The following FGF2 variants were observed in gnomAD, a reference collection of about 807,000 sequenced individuals.
FGF2 encodes the protein basic fibroblast growth factor bFGF.
FGF2 carries 13 observed loss-of-function variants against 15.9 expected under a neutral mutation model. The ratio of observed to expected loss-of-function variants is 0.82; its 90% confidence interval spans 0.53 to 1.30. FGF2 has a LOEUF of 1.30. Among genes scored for constraint, FGF2 ranks in the 50% most tolerant of loss-of-function variants. The pLI, the probability that FGF2 is intolerant of heterozygous loss-of-function variation, is 0.00. For missense variants in FGF2, 163 were observed against 196.9 expected, an observed-to-expected ratio of 0.83 and a Z score of 1.03; for synonymous variants, 90 against 78.4, an observed-to-expected ratio of 1.15 and a Z score of -0.78.
At chr4:122,840,203 C>T (rs551792064) in intron 1 of FGF2, 1 of 152,078 alleles carries the variant, frequency 6.6e-6, no homozygotes, top group African/African-American at 2.4e-5. Context: ...CCATAGTATC[C>T]CATAATAAAG....
intron 1 of FGF2, among the ~76,000 whole-genome samples, chr4:122,856,908 G>A (rs1726353931): frequency 6.6e-6 from 1 of 152,070 alleles, no homozygotes; most frequent in African/African-American, 2.4e-5. Context: ...TAATTTTGTG[G>A]GCAACTTATT....
At chr4:122,866,570 G>C (rs1271434521) in intron 1 of FGF2, among the ~76,000 whole-genome samples, 1 of 152,116 alleles carries the variant, frequency 6.6e-6, no homozygotes, top group Non-Finnish European at 1.5e-5. Flanking sequence ...TAGCCAATAA[G>C]CACATGAAAA....
chr4:122,876,965 T>C (rs1726861544), intron 2 of FGF2, among the ~76,000 whole-genome samples: 1 of 152,210 alleles, frequency 6.6e-6, no homozygotes, highest in Non-Finnish European at 1.5e-5. Context: ...ACAATGATAC[T>C]ATCTCATTGG....
intron 1 of FGF2, among the ~76,000 whole-genome samples, chr4:122,854,696 T>G (rs1726302695): frequency 6.6e-6 from 1 of 152,156 alleles, no homozygotes; most frequent in Admixed American, 6.5e-5. Flanking sequence ...AAGGGCCTTC[T>G]CAGAAGTTTT....
Position 122,827,110 on chromosome 4 carries a change from G to GGGGCC in FGF2, c.-62_-61insCCGGG. The GGGGCC allele has an allele frequency of 3.2e-6, 4 of 1,251,496 alleles. No individual in the cohort carries two copies. The highest frequency in any genetic ancestry group is 4.0e-6 in the Non-Finnish European group (4 of 999,898). The allele number at this position is 1,251,496 out of a possible 1,614,324, so 77.5% of individuals were successfully genotyped here. On this transcript the variant is annotated 5_prime_UTR_variant, in exon 1 of 3. Coordinates refer to ENST00000644866, the MANE Select transcript of FGF2 (RefSeq NM_001361665.2). The surrounding 1 kb of genome is among the most constrained non-coding windows in gnomAD (Gnocchi z 4.2). ...CGGGTCGGAGGCCGGGGCCGGGGCC[G>GGGGCC]GGGGACGGCGGCTCCCCGCGCGGCT...
Position 122,892,803 on chromosome 4 carries a change from T to A in FGF2, c.*407T>A, listed in dbSNP as rs753637879. The A allele has an allele frequency of 1.6e-5, 24 of 1,540,598 alleles. No individual in the cohort carries two copies. Among genetic ancestry groups the A allele is most frequent in the Middle Eastern group, 1.8e-4 (1 of 5,522 alleles). On this transcript the variant is annotated 3_prime_UTR_variant, in exon 3 of 3. Coordinates refer to ENST00000644866, the MANE Select transcript of FGF2 (RefSeq NM_001361665.2). ...TTCTTATGTCATTCGTTAGTCTACATGTTTCTAAACATATAAATGTGAATT... is the reference window on the plus strand; with the variant it reads ...TTCTTATGTCATTCGTTAGTCTACAAGTTTCTAAACATATAAATGTGAATT...
chr4:122,855,581 A>G (rs373896981), intron 1 of FGF2, among the ~76,000 whole-genome samples: 5 of 152,334 alleles, frequency 3.3e-5, no homozygotes, highest in South Asian at 4.1e-4. Context: ...ACAACAGAGC[A>G]GGTTGTCTAA....
At chr4:122,884,618 G>A (rs892311788) in intron 2 of FGF2, 1 of 152,128 alleles carries the variant, frequency 6.6e-6, no homozygotes, top group South Asian at 2.1e-4. Context: ...CTCAGAAGTG[G>A]TATAAGCAAA....
chr4:122,886,743 A>G (rs1018165015), intron 2 of FGF2, among the ~76,000 whole-genome samples: 1 of 152,032 alleles, frequency 6.6e-6, no homozygotes, highest in African/African-American at 2.4e-5. Context: ...TATTTTAAGT[A>G]CTTCATTACT....
intron 2 of FGF2, among the ~76,000 whole-genome samples, chr4:122,885,160 C>G (rs1214375013): frequency 6.6e-6 from 1 of 152,170 alleles, no homozygotes; most frequent in Non-Finnish European, 1.5e-5. Flanking sequence ...AGTTCCTAGT[C>G]TGGATTTTCC....
intron 1 of FGF2, among the ~76,000 whole-genome samples, chr4:122,853,683 A>C (rs1726280235): frequency 6.6e-6 from 1 of 152,148 alleles, no homozygotes; most frequent in Non-Finnish European, 1.5e-5. Context: ...TTACGCATCC[A>C]TACCCACGTG....
Position 122,893,746 on chromosome 4 carries a change from T to C in FGF2, c.*1350T>C, listed in dbSNP as rs1170268867. The stretch of plus-strand genomic sequence containing the variant: ...GATTTTTCAATTAAATGCAAATTTG[T>C]GTGGCAGGATTTTTATTGCCATTAA... On this transcript the variant is annotated 3_prime_UTR_variant, in exon 3 of 3. Transcript: ENST00000644866. The C allele has an allele frequency of 6.6e-6, 1 of 152,272 alleles. No homozygotes were observed. The highest frequency in any genetic ancestry group is 1.5e-5 in the Non-Finnish European group (1 of 68,068). 9.4% of individuals were successfully genotyped at this position (152,272 alleles called of 1,614,324 possible). A position where few individuals can be genotyped will look rare whatever the true frequency, so the allele number is the denominator to read the frequency against.
chr4:122,860,666 AG>A, intron 1 of FGF2, among the ~76,000 whole-genome samples: 1 of 152,122 alleles, frequency 6.6e-6, no homozygotes, highest in East Asian at 1.9e-4. Context: ...CATGTTGACC[AG>A]GCTGGTCTCG....
chr4:122,871,713 A>G (rs933331757), intron 1 of FGF2, among the ~76,000 whole-genome samples: 2 of 150,960 alleles, frequency 1.3e-5, no homozygotes, highest in Non-Finnish European at 2.9e-5. Flanking sequence ...ATCAGATAGA[A>G]TAGGGCCTAA....
chr4:122,845,145 A>C (rs371152802), intron 1 of FGF2, among the ~76,000 whole-genome samples: 58 of 152,330 alleles, frequency 3.8e-4, no homozygotes, highest in African/African-American at 1.4e-3. Context: ...GTGACTAGCT[A>C]TGTTGCTAGC....
At chr4:122,865,375 C>G (rs531660207) in intron 1 of FGF2, among the ~76,000 whole-genome samples, 1 of 152,294 alleles carries the variant, frequency 6.6e-6, no homozygotes, top group Non-Finnish European at 1.5e-5. Context: ...ACTGCAACCT[C>G]CGCCTCCCAG....
At chr4:122,841,380 T>C (rs1725980987) in intron 1 of FGF2, among the ~76,000 whole-genome samples, 1 of 152,236 alleles carries the variant, frequency 6.6e-6, no homozygotes, top group Non-Finnish European at 1.5e-5. Flanking sequence ...TCCTTAGTCA[T>C]GGCATTTCTG....
Position 122,852,713 on chromosome 4 carries a change from T to C in FGF2, c.179-23608T>C, listed in dbSNP as rs536320874. Among the ~76,000 whole-genome samples, 4 of 152,316 alleles carry C rather than the reference T, an allele frequency of 2.6e-5. No homozygotes were observed. The South Asian group carries it at 8.3e-4, about 32-fold the overall frequency. ...AGTTGAAACCCCCTAAACACAACATTTTTTTCCACTGCTCATTTTTTACCA... is the reference window on the plus strand; with the variant it reads ...AGTTGAAACCCCCTAAACACAACATCTTTTTCCACTGCTCATTTTTTACCA... On this transcript the variant is annotated intron_variant, in intron 1 of 2. Transcript: ENST00000644866.
In FGF2 at chr4:122,892,737, A is replaced by G. The variant is rs1239199050; in HGVS notation, c.*341A>G. Reference sequence around the variant, plus strand: ...TTCATGGAAATCATATACATTAGAAAATCACAGTCAGATGTTTAATCAATC... The same window carrying G: ...TTCATGGAAATCATATACATTAGAAGATCACAGTCAGATGTTTAATCAATC... On this transcript the variant is annotated 3_prime_UTR_variant, in exon 3 of 3. Coordinates refer to ENST00000644866, the MANE Select transcript of FGF2 (RefSeq NM_001361665.2). 3 of 1,347,004 alleles carry G rather than the reference A, an allele frequency of 2.2e-6. No homozygotes were observed. Among genetic ancestry groups the G allele is most frequent in the Non-Finnish European group, 3.0e-6 (3 of 1,003,452 alleles). 83.4% of individuals were successfully genotyped at this position (1,347,004 alleles called of 1,614,324 possible). A position where few individuals can be genotyped will look rare whatever the true frequency, so the allele number is the denominator to read the frequency against.
Sources: gnomAD v4.1 joint callset for allele counts (sites outside exome capture counted in the v4.1 genomes callset) on GRCh38, gnomAD v4.1.1 for gene constraint, Gnocchi (gnomAD v3.1) non-coding constraint, MANE v1.5 for transcripts, NCBI Gene and HGNC (gene_info 2026-07-23, HGNC 2026-07-21) for gene names.